Variants in KCND2 observed in about 807,000 individuals in gnomAD.
The protein encoded by KCND2 is A-type voltage-gated potassium channel KCND2.
In KCND2, 16 loss-of-function variants were observed where a neutral mutation model predicts 54.4. That is an observed-to-expected ratio of 0.29 (90% confidence interval 0.20 to 0.45). The LOEUF is 0.45. Ranked by LOEUF, KCND2 falls within the 20% of genes least tolerant of loss-of-function variation. KCND2 has a pLI of 1.00. For synonymous variants in KCND2, 317 were observed against 310.7 expected, an observed-to-expected ratio of 1.02 and a Z score of -0.21; for missense variants, 486 against 824.2, an observed-to-expected ratio of 0.59 and a Z score of 5.02.
chr7:120,392,033 T>G (rs1801087514), intron 1 of KCND2, among the ~76,000 whole-genome samples: 1 of 152,122 alleles, frequency 6.6e-6, no homozygotes, highest in Non-Finnish European at 1.5e-5. Flanking sequence ...TCTTCTATGG[T>G]TTTTATAATT....
At chr7:120,530,843 T>C (rs753704742) in intron 1 of KCND2, among the ~76,000 whole-genome samples, 2 of 152,108 alleles carry the variant, frequency 1.3e-5, no homozygotes, top group African/African-American at 2.4e-5. Context: ...ATTATTATTG[T>C]TATTATTTTT....
At chr7:120,709,460 C>G (rs1290229589) in intron 1 of KCND2, among the ~76,000 whole-genome samples, 2 of 152,128 alleles carry the variant, frequency 1.3e-5, no homozygotes, top group Non-Finnish European at 2.9e-5. Flanking sequence ...GTTTTTATGT[C>G]ACTTCTTAAT....
chr7:120,478,729 G>A (rs1802564301), intron 1 of KCND2, among the ~76,000 whole-genome samples: 1 of 152,056 alleles, frequency 6.6e-6, no homozygotes, highest in Admixed American at 6.6e-5. Flanking sequence ...TGACTCTATA[G>A]CAATTCCTTT....
At chr7:120,600,164 G>T (rs1325893729) in intron 1 of KCND2, among the ~76,000 whole-genome samples, 1 of 151,762 alleles carries the variant, frequency 6.6e-6, no homozygotes, top group Non-Finnish European at 1.5e-5. Context: ...GATGGAGCCT[G>T]TTTCCAGAGG....
At chr7:120,312,737 T>C (rs1259445033) in intron 1 of KCND2, among the ~76,000 whole-genome samples, 1 of 152,144 alleles carries the variant, frequency 6.6e-6, no homozygotes, top group Non-Finnish European at 1.5e-5. Context: ...TTATCATCCA[T>C]GACATTACAG....
chr7:120,287,086 G>A (rs1799356843), intron 1 of KCND2, among the ~76,000 whole-genome samples: 2 of 151,930 alleles, frequency 1.3e-5, no homozygotes, highest in African/African-American at 2.4e-5. Context: ...GAAATTTGGG[G>A]CAAAATCAGT....
chr7:120,401,310 A>C (rs1801249393), intron 1 of KCND2, among the ~76,000 whole-genome samples: 2 of 152,106 alleles, frequency 1.3e-5, no homozygotes, highest in South Asian at 4.1e-4. Flanking sequence ...TTCCTATTTT[A>C]AGCTGCCTTT....
At chr7:120,356,732 T>A (rs1249014893) in intron 1 of KCND2, among the ~76,000 whole-genome samples, 1 of 152,172 alleles carries the variant, frequency 6.6e-6, no homozygotes, top group Non-Finnish European at 1.5e-5. Flanking sequence ...TGGATTTTTT[T>A]ATCCAGGATG....
chr7:120,722,894 A>G (rs369401316), intron 1 of KCND2, among the ~76,000 whole-genome samples: 1 of 152,162 alleles, frequency 6.6e-6, no homozygotes, highest in Non-Finnish European at 1.5e-5. Context: ...ATTATAAGCA[A>G]TGAACAGTTC....
intron 1 of KCND2, among the ~76,000 whole-genome samples, chr7:120,314,016 T>G (rs2116318943): frequency 6.6e-6 from 1 of 151,018 alleles, no homozygotes; most frequent in Admixed American, 6.6e-5. Flanking sequence ...TATACTAGGG[T>G]TTAAAAAATC....
chr7:120,387,861 C>T (rs1801012480), intron 1 of KCND2, among the ~76,000 whole-genome samples: 1 of 152,008 alleles, frequency 6.6e-6, no homozygotes, highest in Middle Eastern at 3.4e-3. Flanking sequence ...TTATTGCTAC[C>T]ACTAATGAAG....
intron 1 of KCND2, among the ~76,000 whole-genome samples, chr7:120,681,636 T>A (rs1220965671): frequency 6.6e-6 from 1 of 152,056 alleles, no homozygotes; most frequent in Non-Finnish European, 1.5e-5. Context: ...TCTACTAAAT[T>A]TTTATGTATG....
chr7:120,545,511 G>A (rs939360751), intron 1 of KCND2, among the ~76,000 whole-genome samples: 1 of 151,884 alleles, frequency 6.6e-6, no homozygotes, highest in Non-Finnish European at 1.5e-5. Flanking sequence ...TCTTGAAGAT[G>A]AAATAGATCC....
chr7:120,581,031 A>C (rs1288868916), intron 1 of KCND2, among the ~76,000 whole-genome samples: 1 of 152,250 alleles, frequency 6.6e-6, no homozygotes, highest in East Asian at 1.9e-4. Flanking sequence ...AACTTTCAAT[A>C]AAATATATGT....
chr7:120,548,195 AGGAG>A (rs1792065722), intron 1 of KCND2, among the ~76,000 whole-genome samples: 1 of 152,156 alleles, frequency 6.6e-6, no homozygotes, highest in South Asian at 2.1e-4. Flanking sequence ...GATCCACTTC[AGGAG>A]CCATAGGAAA....
intron 1 of KCND2, among the ~76,000 whole-genome samples, chr7:120,480,588 G>T (rs991130933): frequency 6.6e-6 from 1 of 152,118 alleles, no homozygotes; most frequent in African/African-American, 2.4e-5. Context: ...TGCTGTTATT[G>T]CAGGAGAGGG....
intron 1 of KCND2, among the ~76,000 whole-genome samples, chr7:120,434,828 A>T (rs1477920846): frequency 6.6e-6 from 1 of 150,934 alleles, no homozygotes; most frequent in African/African-American, 2.4e-5. Flanking sequence ...GAAAAAAAAA[A>T]ATAGACTTTT....
intron 1 of KCND2, among the ~76,000 whole-genome samples, chr7:120,672,651 G>A (rs530530625): frequency 8.7e-4 from 132 of 152,168 alleles, no homozygotes; most frequent in African/African-American, 3.1e-3. Context: ...AACAACTATA[G>A]TCAATGAGCC....
intron 1 of KCND2, among the ~76,000 whole-genome samples, chr7:120,319,781 T>C (rs1799866681): frequency 6.6e-6 from 1 of 152,172 alleles, no homozygotes; most frequent in African/African-American, 2.4e-5. Context: ...CCATTCTTAA[T>C]ATAAACATTT....
Sources: gnomAD v4.1 joint callset for allele counts (sites outside exome capture counted in the v4.1 genomes callset) on GRCh38, gnomAD v4.1.1 for gene constraint, MANE v1.5 for transcripts, NCBI Gene and HGNC (gene_info 2026-07-23, HGNC 2026-07-21) for gene names.